LMF1: variants seen among roughly 807,000 people sequenced by gnomAD.
LMF1 encodes the protein lipase maturation factor 1.
Under a neutral mutation model 60.6 loss-of-function variants are expected in LMF1, and 68 were observed. That is an observed-to-expected ratio of 1.12 (90% CI 0.92 to 1.37). The LOEUF is 1.37. Among genes scored for constraint, LMF1 ranks in the 40% most tolerant of loss-of-function variants. LMF1 has a pLI of 0.00. For missense variants in LMF1, 948 were observed against 767.2 expected (o/e 1.24, Z -2.78); for synonymous variants, 418 against 324.7 (o/e 1.29, Z -3.09).
At chr16:877,253 T>G (rs369468602) in intron 6 of LMF1, among the ~76,000 whole-genome samples, 1 of 152,192 alleles carries the variant, frequency 6.6e-6, no homozygotes, top group South Asian at 2.1e-4. Context: ...ACTATGACTT[T>G]TTTTGCCAAA....
intron 1 of LMF1, among the ~76,000 whole-genome samples, chr16:958,432 A>G (rs2072752073): frequency 7.5e-6 from 1 of 133,806 alleles, no homozygotes; most frequent in Non-Finnish European, 1.8e-5. Flanking sequence ...AGGTGGGAAG[A>G]AAAAACCAGG....
intron 1 of LMF1, among the ~76,000 whole-genome samples, chr16:977,598 G>A (rs1014739058): frequency 1.2e-4 from 19 of 152,088 alleles, no homozygotes; most frequent in South Asian, 6.2e-4. Context: ...GCGGGTTCAC[G>A]CCCGCCGGGC....
intron 6 of LMF1, among the ~76,000 whole-genome samples, chr16:876,738 G>T (rs1024977389): frequency 4.6e-5 from 7 of 152,064 alleles, no homozygotes; most frequent in Admixed American, 1.3e-4. Context: ...GCGGGCTGAG[G>T]ACCTCGGGGG....
chr16:868,365 C>T (rs1378522062), intron 10 of LMF1, among the ~76,000 whole-genome samples: 1 of 152,190 alleles, frequency 6.6e-6, no homozygotes, highest in Non-Finnish European at 1.5e-5. Context: ...CCCCAGCTCC[C>T]CTGCGTGGAG....
chr16:977,282 T>G (rs566076682), intron 1 of LMF1, among the ~76,000 whole-genome samples: 1 of 152,150 alleles, frequency 6.6e-6, no homozygotes, highest in Non-Finnish European at 1.5e-5. Flanking sequence ...TACAGGGAGC[T>G]GCAACCCAGC....
intron 1 of LMF1, among the ~76,000 whole-genome samples, 159 bp from the exon 2 acceptor site, chr16:954,825 T>C (rs1330187249): frequency 6.6e-6 from 1 of 152,244 alleles, no homozygotes; most frequent in African/African-American, 2.4e-5. Context: ...CTGAGTACTT[T>C]CTCAAGATTT....
intron 2 of LMF1, among the ~76,000 whole-genome samples, chr16:946,484 A>G (rs989628189): frequency 3.3e-5 from 5 of 152,224 alleles, no homozygotes; most frequent in Non-Finnish European, 7.4e-5. Flanking sequence ...CCTCCTATCC[A>G]GGGCAGGGTG....
At chr16:976,679 C>T (rs1452595413) in intron 1 of LMF1, 3 of 454,096 alleles carry the variant, frequency 6.6e-6, no homozygotes, top group South Asian at 4.7e-5. Flanking sequence ...ACGGATAGGC[C>T]CAGCCAGAAG....
chr16:959,862 G>C (rs2072787120), intron 1 of LMF1, among the ~76,000 whole-genome samples: 2 of 131,136 alleles, frequency 1.5e-5, no homozygotes, highest in South Asian at 4.4e-4. Context: ...CAGGACGGGA[G>C]GATGGAATAC....
intron 1 of LMF1, among the ~76,000 whole-genome samples, chr16:978,504 C>T (rs569252148): frequency 1.3e-5 from 2 of 152,196 alleles, no homozygotes; most frequent in African/African-American, 2.4e-5. Context: ...TTCTTCTCTG[C>T]GGCTGTCCTT....
intron 10 of LMF1, among the ~76,000 whole-genome samples, chr16:859,044 CACGGGACGGGTGTG>C (rs2069324578): frequency 4.6e-5 from 4 of 87,046 alleles, no homozygotes; most frequent in African/African-American, 1.2e-4. Flanking sequence ...TGAGTGATGT[CACGGGACGGGTGTG>C]AGTGGTGTCA....
chr16:949,328 G>A (rs71384606), intron 2 of LMF1, among the ~76,000 whole-genome samples: 44,985 of 125,150 alleles, frequency 0.36, 5,304 homozygotes, highest in African/African-American at 0.51. Flanking sequence ...GTCAGCCAAC[G>A]ACAGAGTCAG....
chr16:856,326 A>G (rs1365807669), intron 10 of LMF1, among the ~76,000 whole-genome samples: 1 of 152,134 alleles, frequency 6.6e-6, no homozygotes, highest in Non-Finnish European at 1.5e-5. Flanking sequence ...CTGGACCCCG[A>G]GGTCGACCTC....
intron 5 of LMF1, among the ~76,000 whole-genome samples, chr16:892,475 A>G (rs1190580966): frequency 6.6e-6 from 1 of 152,208 alleles, no homozygotes; most frequent in Non-Finnish European, 1.5e-5. Context: ...CCCCATGTGA[A>G]CACGTGAGCA....
In LMF1 at chr16:854,510, C is replaced by T. The variant is rs375970696; in HGVS notation, c.*22G>A. 7.1e-5 allele frequency: 114 copies of T among 1,598,638 alleles called. 1 individual carries two copies. Among genetic ancestry groups the T allele is most frequent in the South Asian group, 2.9e-4 (26 of 89,446 alleles). ...CTGAGCCGCCGAGGGGCTGGGTCTT[C>T]GCCTTTATTTCTGGTGCACGTCTAG... is the stretch of plus-strand genomic sequence containing the variant. On this transcript the variant is annotated 3_prime_UTR_variant, in exon 11 of 11. Transcript: ENST00000262301.
intron 2 of LMF1, among the ~76,000 whole-genome samples, chr16:949,503 T>G (rs1447256832): frequency 4.1e-5 from 3 of 72,942 alleles, no homozygotes; most frequent in African/African-American, 6.8e-5. Context: ...ACGACAGAGT[T>G]AGAGACAATG....
Position 868,931 on chromosome 16 carries a change from G to A in LMF1, c.1529+13C>T, listed in dbSNP as rs1477552763. Reference sequence around the variant, plus strand: ...GGGGAGACCCCTGAGCAGCGGCAGGGAGGGCATCCTACCTGGGCGGGGGCC... The same window carrying A: ...GGGGAGACCCCTGAGCAGCGGCAGGAAGGGCATCCTACCTGGGCGGGGGCC... On this transcript the variant is annotated intron_variant, in intron 10 of 10. Transcript: ENST00000262301. 1 of 1,547,022 alleles carries A rather than the reference G, an allele frequency of 6.5e-7. No homozygotes were observed. Among genetic ancestry groups the A allele is most frequent in the Non-Finnish European group, 8.9e-7 (1 of 1,122,198 alleles).
At position 952,177 on chromosome 16, in the gene LMF1, C is replaced by T. The variant is rs181534484; in HGVS notation, c.503+2180G>A. 5.3e-5 allele frequency among the ~76,000 whole-genome samples: 8 copies of T among 152,220 alleles called. No individual in the cohort carries two copies. The East Asian group carries it at 7.7e-4, about 15-fold the overall frequency. On this transcript the variant is annotated intron_variant, in intron 2 of 10. Coordinates refer to ENST00000262301, the MANE Select transcript of LMF1 (RefSeq NM_022773.4). ...CTGGCCTGCTTGTTGAATGAGGTGACACACTCAAGTGTAGCTGAGACCTGA... is the reference window on the plus strand; with the variant it reads ...CTGGCCTGCTTGTTGAATGAGGTGATACACTCAAGTGTAGCTGAGACCTGA...
At chr16:909,477 AACC>A (rs1191466447) in intron 4 of LMF1, among the ~76,000 whole-genome samples, 1 of 152,050 alleles carries the variant, frequency 6.6e-6, no homozygotes, top group African/African-American at 2.4e-5. Flanking sequence ...CGCCACACAG[AACC>A]ACGCTATGCG....
Sources: gnomAD v4.1 joint callset for allele counts (sites outside exome capture counted in the v4.1 genomes callset) on GRCh38, gnomAD v4.1.1 for gene constraint, MANE v1.5 for transcripts, NCBI Gene and HGNC (gene_info 2026-07-23, HGNC 2026-07-21) for gene names.